NAV3: variants seen among roughly 807,000 people sequenced by gnomAD.
NAV3 encodes neuron navigator 3.
Under a neutral mutation model 244.7 loss-of-function variants are expected in NAV3, and 87 were observed. The observed-to-expected ratio is 0.36, with a 90% CI of 0.30 to 0.42. The LOEUF is 0.42. NAV3 is among the 20% of genes least tolerant of loss of function. The pLI, the probability that NAV3 is intolerant of heterozygous loss-of-function variation, is 1.00. For synonymous variants in NAV3, 1,126 were observed against 1,042.2 expected (o/e 1.08, Z -1.55); for missense variants, 2,663 against 2,893.3 (o/e 0.92, Z 1.83).
chr12:77,708,145 C>T (rs1875922536), intron 2 of NAV3, among the ~76,000 whole-genome samples: 1 of 152,148 alleles, frequency 6.6e-6, no homozygotes, highest in African/African-American at 2.4e-5. Context: ...TGACTATGTC[C>T]TGAATGGTAT....
At chr12:77,693,377 A>G (rs1000402662) in intron 2 of NAV3, among the ~76,000 whole-genome samples, 2 of 151,952 alleles carry the variant, frequency 1.3e-5, no homozygotes, top group African/African-American at 4.8e-5. Context: ...AGTCCTTGCT[A>G]TGTACAATAT....
chr12:78,201,025 C>CTCT (rs1491333048), intron 38 of NAV3, among the ~76,000 whole-genome samples: 8 of 145,026 alleles, frequency 5.5e-5, no homozygotes, highest in Admixed American at 2.1e-4. Context: ...CCCCTCCCCA[C>CTCT]TCTCTCTCTT....
chr12:77,600,110 A>G (rs1163584935), intron 2 of NAV3, among the ~76,000 whole-genome samples: 1 of 152,008 alleles, frequency 6.6e-6, no homozygotes, highest in Non-Finnish European at 1.5e-5. Flanking sequence ...ATGCTTAAGC[A>G]AATGTGTAAA....
intron 8 of NAV3, among the ~76,000 whole-genome samples, chr12:78,019,413 A>G (rs1291809804): frequency 1.3e-5 from 2 of 152,172 alleles, no homozygotes; most frequent in African/African-American, 4.8e-5. Context: ...GGTGAGTTCA[A>G]ACATGGAGAA....
At chr12:77,820,627 G>A (rs1273371620) in intron 2 of NAV3, among the ~76,000 whole-genome samples, 7 of 152,032 alleles carry the variant, frequency 4.6e-5, no homozygotes, top group Admixed American at 4.6e-4. Context: ...CCAGTTAATG[G>A]TCTCATTTTA....
At chr12:78,132,807 T>C (rs1235280660) in intron 18 of NAV3, among the ~76,000 whole-genome samples, 1 of 152,156 alleles carries the variant, frequency 6.6e-6, no homozygotes, top group East Asian at 1.9e-4. Flanking sequence ...ATCAGTGTGC[T>C]AGACCATATA....
intron 1 of NAV3, among the ~76,000 whole-genome samples, chr12:77,835,163 T>G (rs929611574): frequency 3.3e-5 from 5 of 152,154 alleles, no homozygotes; most frequent in Admixed American, 2.6e-4. Context: ...ATAATTGCAC[T>G]CCACTTAATT....
intron 2 of NAV3, among the ~76,000 whole-genome samples, chr12:77,658,333 A>G (rs1363195473): frequency 1.3e-5 from 2 of 151,152 alleles, no homozygotes; most frequent in African/African-American, 4.9e-5. Flanking sequence ...CAGAGAGCCA[A>G]ATCATGAGTG....
At chr12:78,077,425 A>C (rs572348310) in intron 12 of NAV3, among the ~76,000 whole-genome samples, 1 of 152,244 alleles carries the variant, frequency 6.6e-6, no homozygotes, top group African/African-American at 2.4e-5. Context: ...GAGAGAAAAC[A>C]AATTGTCCCC....
upstream of NAV3, among the ~76,000 whole-genome samples, chr12:77,828,729 A>G (rs902901725): frequency 6.6e-6 from 1 of 152,216 alleles, no homozygotes; most frequent in Non-Finnish European, 1.5e-5. Context: ...GTGGCTACTA[A>G]TACCATCTTA....
chr12:77,662,044 A>G (rs919047128), intron 2 of NAV3, among the ~76,000 whole-genome samples: 1 of 151,998 alleles, frequency 6.6e-6, no homozygotes. Context: ...TTGTCATTCC[A>G]TATAAAATTT....
intron 9 of NAV3, among the ~76,000 whole-genome samples, chr12:78,029,640 G>A (rs11107926): frequency 0.13 from 19,311 of 152,074 alleles, 2,023 homozygotes; most frequent in African/African-American, 0.29. Flanking sequence ...AAAAAATACA[G>A]TGTACAGTAA....
intron 2 of NAV3, among the ~76,000 whole-genome samples, chr12:77,657,971 A>G (rs1454381901): frequency 1.7e-4 from 26 of 151,888 alleles, no homozygotes; most frequent in African/African-American, 5.3e-4. Flanking sequence ...AATAATAAGA[A>G]CTATCTATGA....
chr12:77,735,917 G>A (rs1476759660), intron 2 of NAV3, among the ~76,000 whole-genome samples: 1 of 152,132 alleles, frequency 6.6e-6, no homozygotes, highest in African/African-American at 2.4e-5. Flanking sequence ...TACCATTCAT[G>A]GGTTTAGTCT....
intron 2 of NAV3, among the ~76,000 whole-genome samples, chr12:77,633,059 G>T (rs915095535): frequency 6.6e-6 from 1 of 152,124 alleles, no homozygotes; most frequent in African/African-American, 2.4e-5. Context: ...GTTTCTATTA[G>T]AGTATACTCA....
At chr12:77,978,423 C>T (rs922180965) in intron 5 of NAV3, among the ~76,000 whole-genome samples, 10 of 152,028 alleles carry the variant, frequency 6.6e-5, no homozygotes, top group East Asian at 1.9e-4. Context: ...ACAGGTACTA[C>T]GTATTTGACA....
At chr12:78,178,614 T>A (rs1411008620) in intron 28 of NAV3, among the ~76,000 whole-genome samples, 1 of 152,130 alleles carries the variant, frequency 6.6e-6, no homozygotes, top group African/African-American at 2.4e-5. Context: ...TAATTCTCTG[T>A]GTTATTTACT....
At chr12:77,787,365 C>A (rs945858864) in intron 2 of NAV3, among the ~76,000 whole-genome samples, 2 of 151,946 alleles carry the variant, frequency 1.3e-5, no homozygotes, top group Non-Finnish European at 2.9e-5. Context: ...GTTCTCATGC[C>A]GCTAATAAAG....
chr12:77,950,489 C>T (rs910043044), intron 3 of NAV3: 1 of 152,010 alleles, frequency 6.6e-6, no homozygotes, highest in Non-Finnish European at 1.5e-5. Flanking sequence ...AGGTCTTTGA[C>T]CCCAGTTTTA....
Sources: gnomAD v4.1 joint callset for allele counts (sites outside exome capture counted in the v4.1 genomes callset) on GRCh38, gnomAD v4.1.1 for gene constraint, MANE v1.5 for transcripts, NCBI Gene and HGNC (gene_info 2026-07-23, HGNC 2026-07-21) for gene names.